Variants in PIK3R3 observed in about 807,000 individuals in gnomAD.
The protein encoded by PIK3R3 is phosphoinositide-3-kinase regulatory subunit 3, also known as phosphatidylinositol 3-kinase regulatory subunit gamma.
PIK3R3 carries 64 observed loss-of-function variants against 62.9 expected under a neutral mutation model. The observed-to-expected ratio is 1.02, with a 90% CI of 0.83 to 1.25. The LOEUF (loss-of-function observed/expected upper bound fraction) is 1.25. Ranked by LOEUF, PIK3R3 falls within the 50% of genes most tolerant of loss-of-function variation. The pLI is 0.00. For synonymous variants in PIK3R3, 165 were observed against 189.0 expected (o/e 0.87, Z 1.04); for missense variants, 614 against 561.6 (o/e 1.09, Z -0.94).
the PIK3R3 span, among the ~76,000 whole-genome samples, chr1:46,150,471 T>C: frequency 6.6e-6 from 1 of 152,228 alleles, no homozygotes; most frequent in Non-Finnish European, 1.5e-5. Flanking sequence ...ATCATCCATC[T>C]AAGATAACAC....
the PIK3R3 span, among the ~76,000 whole-genome samples, chr1:46,158,611 C>T: frequency 1.2e-4 from 18 of 152,254 alleles, no homozygotes; most frequent in African/African-American, 4.3e-4. Flanking sequence ...GAAAGTCCTA[C>T]AACCTAGTGT....
intron 3 of PIK3R3, among the ~76,000 whole-genome samples, chr1:46,073,133 G>A (rs1241172744): frequency 6.6e-6 from 1 of 152,054 alleles, no homozygotes; most frequent in African/African-American, 2.4e-5. Context: ...TAGACAGTGA[G>A]CTGCCCATAC....
At chr1:46,172,670 A>T in the PIK3R3 span, among the ~76,000 whole-genome samples, 1 of 152,132 alleles carries the variant, frequency 6.6e-6, no homozygotes, top group Non-Finnish European at 1.5e-5. Context: ...AGTATGAGTG[A>T]CAGAGAGAGA....
At chr1:46,062,928 A>AG (rs1648646988) in intron 5 of PIK3R3, among the ~76,000 whole-genome samples, 2 of 152,174 alleles carry the variant, frequency 1.3e-5, no homozygotes, top group African/African-American at 2.4e-5. Flanking sequence ...TTGAGACTTT[A>AG]GGGGGGCACC....
At chr1:46,161,918 C>G in the PIK3R3 span, among the ~76,000 whole-genome samples, 21 of 151,696 alleles carry the variant, frequency 1.4e-4, no homozygotes, top group East Asian at 4.1e-3. Context: ...TGGTGAAACC[C>G]TGTCTCTACT....
chr1:46,067,347 C>G (rs1649108349), intron 3 of PIK3R3, among the ~76,000 whole-genome samples: 1 of 149,330 alleles, frequency 6.7e-6, no homozygotes, highest in South Asian at 2.1e-4. Flanking sequence ...ACACAGCATT[C>G]AGTATGAACA....
At chr1:46,092,934 T>C (rs1283802590) in intron 1 of PIK3R3, among the ~76,000 whole-genome samples, 1 of 152,192 alleles carries the variant, frequency 6.6e-6, no homozygotes, top group African/African-American at 2.4e-5. Context: ...TACTGCTCTC[T>C]CTCTCGGCTA....
chr1:46,131,093 G>T (rs1397719644), intron 1 of PIK3R3, among the ~76,000 whole-genome samples: 2 of 150,786 alleles, frequency 1.3e-5, no homozygotes, highest in Admixed American at 6.6e-5. Flanking sequence ...AAACAGAAAG[G>T]TTCCCTCGTT....
chr1:46,122,585 C>T (rs1378944791), intron 1 of PIK3R3, among the ~76,000 whole-genome samples: 1 of 152,080 alleles, frequency 6.6e-6, no homozygotes, highest in African/African-American at 2.4e-5. Flanking sequence ...CCAGGCTGGT[C>T]TCGAACTCCT....
chr1:46,043,748 C>T lies in PIK3R3; in HGVS notation c.1311G>A (p.Leu437=). Residue 437 remains leucine, a synonymous_variant, in exon 10 of 10, where the codon TTG becomes TTA. Coordinates refer to ENST00000262741, the MANE Select transcript of PIK3R3 (RefSeq NM_003629.4). ...ELVLHYQQTS[L]VQHNDSLNVR... ...CGTTGAGGGAGTCGTTGTGCTGAAC[C>T]AAGGATGTCTGCTGGTAATGGAGCA... The T allele has an allele frequency of 6.2e-7, 1 of 1,614,174 alleles. No individual in the cohort carries two copies.
intron 9 of PIK3R3, 26 bp from the exon 10 acceptor site, chr1:46,043,897 T>C (rs547408799): frequency 1.9e-6 from 3 of 1,588,902 alleles, no homozygotes; most frequent in South Asian, 1.1e-5. Flanking sequence ...ACAGAAGAAA[T>C]GTTAAGGTAG....
intron 7 of PIK3R3, 148 bp from the exon 8 acceptor site, chr1:46,046,773 C>A (rs1302572371): frequency 3.4e-6 from 2 of 590,580 alleles, no homozygotes; most frequent in South Asian, 2.2e-5. Flanking sequence ...CAAAATTAGT[C>A]TCTCGATTAC....
chr1:46,154,802 C>T, the PIK3R3 span, among the ~76,000 whole-genome samples: 1 of 151,984 alleles, frequency 6.6e-6, no homozygotes, highest in Admixed American at 6.6e-5. Context: ...CTCCCTCTAC[C>T]TAGAATGTTC....
the PIK3R3 span, among the ~76,000 whole-genome samples, chr1:46,166,071 G>A: frequency 6.6e-6 from 1 of 151,748 alleles, no homozygotes; most frequent in African/African-American, 2.4e-5. Flanking sequence ...ACCGTGCCCG[G>A]CCTGTCCTTT....
chr1:46,132,958 G>T (rs369377240), upstream of PIK3R3: 176 of 1,121,140 alleles, frequency 1.6e-4, no homozygotes, highest in African/African-American at 2.9e-3. Flanking sequence ...AGTCAGTGCC[G>T]GGAGCACGCG....
chr1:46,043,284 C>T lies in PIK3R3; in HGVS notation c.*389G>A. 4.0e-6 allele frequency: 1 copy of T among 248,870 alleles called. No homozygotes were observed. Among genetic ancestry groups the T allele is most frequent in the Non-Finnish European group, 7.9e-6 (1 of 126,944 alleles). The allele number at this position is 248,870 out of a possible 1,614,324, so 15.4% of individuals were successfully genotyped here. A position where few individuals can be genotyped will look rare whatever the true frequency, so the allele number is the denominator to read the frequency against. On this transcript the variant is annotated 3_prime_UTR_variant, in exon 10 of 10. Transcript: ENST00000262741. The stretch of plus-strand genomic sequence containing the variant: ...ACACAACTCCCAGCAGAGCCATGCC[C>T]CTGCTGCACTCTCAAGAGTTAGATT...
At chr1:46,099,811 T>C (rs778157979) in intron 1 of PIK3R3, among the ~76,000 whole-genome samples, 1 of 152,224 alleles carries the variant, frequency 6.6e-6, no homozygotes, top group Admixed American at 6.5e-5. Flanking sequence ...AATGAGGTTC[T>C]AGTTGATACT....
At chr1:46,156,268 T>G in the PIK3R3 span, among the ~76,000 whole-genome samples, 1 of 152,000 alleles carries the variant, frequency 6.6e-6, no homozygotes, top group African/African-American at 2.4e-5. Flanking sequence ...ATTGTCAGCC[T>G]GGCCAACATG....
chr1:46,105,127 C>G (rs1653073983), intron 1 of PIK3R3: 2 of 709,312 alleles, frequency 2.8e-6, no homozygotes, highest in South Asian at 2.9e-5. Context: ...TAGAATGGAA[C>G]CTGTCCCCTG....
Sources: gnomAD v4.1 joint callset for allele counts (sites outside exome capture counted in the v4.1 genomes callset) on GRCh38, gnomAD v4.1.1 for gene constraint, MANE v1.5 for transcripts, NCBI Gene and HGNC (gene_info 2026-07-23, HGNC 2026-07-21) for gene names.